The following HLF variants were observed in gnomAD, a reference collection of about 807,000 sequenced individuals.
HLF encodes hepatic leukemia factor.
In HLF, 3 loss-of-function variants were observed where a neutral mutation model predicts 22.6. The ratio of observed to expected loss-of-function variants is 0.13; its 90% CI spans 0.06 to 0.34. The LOEUF (loss-of-function observed/expected upper bound fraction) is 0.34, where lower values mean the gene tolerates loss of function less well. Among genes scored for constraint, HLF ranks in the 10% least tolerant of loss-of-function variants. The pLI, the probability that HLF is intolerant of heterozygous loss-of-function variation, is 1.00. For synonymous variants in HLF, 151 were observed against 151.8 expected, an observed-to-expected ratio of 0.99 and a Z score of 0.04; for missense variants, 299 against 389.2, an observed-to-expected ratio of 0.77 and a Z score of 1.95.
chr17:55,309,003 G>A (rs1904709319), intron 2 of HLF, among the ~76,000 whole-genome samples: 1 of 152,214 alleles, frequency 6.6e-6, no homozygotes, highest in Admixed American at 6.5e-5. Flanking sequence ...AACATGCAAA[G>A]CCTCTTTAGG....
intron 2 of HLF, among the ~76,000 whole-genome samples, chr17:55,287,723 G>T (rs1234560811): frequency 6.6e-6 from 1 of 152,194 alleles, no homozygotes; most frequent in Non-Finnish European, 1.5e-5. Flanking sequence ...TAAAACAGGT[G>T]AAGGTTTGTT....
chr17:55,270,533 T>C (rs2080841970), intron 2 of HLF, among the ~76,000 whole-genome samples: 1 of 152,232 alleles, frequency 6.6e-6, no homozygotes, highest in Admixed American at 6.5e-5. Flanking sequence ...CAAGTTAATC[T>C]TGAGGAAAAT....
chr17:55,274,563 A>G (rs1480041987), intron 2 of HLF, among the ~76,000 whole-genome samples: 1 of 152,234 alleles, frequency 6.6e-6, no homozygotes, highest in African/African-American at 2.4e-5. Context: ...ACCAGTCTAT[A>G]CGGGCAATAT....
At chr17:55,287,993 A>C (rs140639601) in intron 2 of HLF, among the ~76,000 whole-genome samples, 30 of 152,232 alleles carry the variant, frequency 2.0e-4, no homozygotes, top group Non-Finnish European at 3.8e-4. Context: ...TGGTCTTTGC[A>C]AAGGGTTATG....
At chr17:55,296,827 A>G (rs974820179) in intron 2 of HLF, among the ~76,000 whole-genome samples, 2 of 152,070 alleles carry the variant, frequency 1.3e-5, no homozygotes, top group African/African-American at 4.8e-5. Flanking sequence ...TTCCTCTTCC[A>G]TTCAAAAAAA....
At chr17:55,294,140 CAG>C (rs1422654794) in intron 2 of HLF, among the ~76,000 whole-genome samples, 1 of 152,150 alleles carries the variant, frequency 6.6e-6, no homozygotes, top group African/African-American at 2.4e-5. Context: ...GGATTGGAAA[CAG>C]TGTGGCTGTG....
chr17:55,311,014 A>G (rs912273117), intron 2 of HLF, among the ~76,000 whole-genome samples: 7 of 152,208 alleles, frequency 4.6e-5, no homozygotes, highest in Non-Finnish European at 7.3e-5. Flanking sequence ...GGGTGTATTC[A>G]ATATTTTAAA....
intron 2 of HLF, among the ~76,000 whole-genome samples, chr17:55,280,600 T>A (rs1332469958): frequency 6.6e-6 from 1 of 152,232 alleles, no homozygotes; most frequent in East Asian, 1.9e-4. Context: ...TTAGGTTTCT[T>A]CTTTTTACCC....
chr17:55,315,375 C>T lies in HLF; in HGVS notation c.600C>T (p.Phe200=), dbSNP rs371745405. ...QEMFDPRKRK[F]SEEELKPQPM... ...TGTTTGACCCTCGCAAACGCAAGTT[C>T]TCTGAGGAAGAACTGAAGCCACAGC... Residue 200 remains phenylalanine (F), a synonymous_variant, in exon 3 of 4, where the codon TTC becomes TTT. Transcript: ENST00000226067. The T allele has an allele frequency of 4.0e-5, 64 of 1,614,038 alleles. No individual in the cohort carries two copies. The highest frequency in any genetic ancestry group is 5.3e-5 in the Non-Finnish European group (62 of 1,180,028).
intron 2 of HLF, among the ~76,000 whole-genome samples, chr17:55,300,070 C>T (rs2081143372): frequency 6.6e-6 from 1 of 152,184 alleles, no homozygotes; most frequent in South Asian, 2.1e-4. Flanking sequence ...AAGTCCAAGC[C>T]TCAGGTTATC....
intron 2 of HLF, among the ~76,000 whole-genome samples, chr17:55,274,696 A>C (rs767362295): frequency 2.6e-5 from 4 of 152,222 alleles, no homozygotes; most frequent in Non-Finnish European, 5.9e-5. Context: ...CTGAGCTTTC[A>C]GTTTCTCATC....
At chr17:55,295,602 G>A (rs1434278944) in intron 2 of HLF, among the ~76,000 whole-genome samples, 1 of 152,200 alleles carries the variant, frequency 6.6e-6, no homozygotes, top group Non-Finnish European at 1.5e-5. Context: ...TAATGGATGG[G>A]ATTTGACAGT....
At chr17:55,304,828 C>A (rs1452736085) in intron 2 of HLF, among the ~76,000 whole-genome samples, 1 of 152,230 alleles carries the variant, frequency 6.6e-6, no homozygotes, top group Non-Finnish European at 1.5e-5. Context: ...TCCCACTTGA[C>A]AGATAAGGGA....
chr17:55,275,280 G>A (rs903157674), intron 2 of HLF, among the ~76,000 whole-genome samples: 1 of 152,082 alleles, frequency 6.6e-6, no homozygotes, highest in Non-Finnish European at 1.5e-5. Context: ...ATTTTCTATA[G>A]ATACAGGGTT....
chr17:55,320,916 A>G lies in HLF; in HGVS notation c.*37A>G, dbSNP rs754705390. On this transcript the variant is annotated 3_prime_UTR_variant, in exon 4 of 4. Transcript: ENST00000226067. This position sits in a 1 kb window ranked among gnomAD's most constrained non-coding sequence, Gnocchi z 4.2. Reference sequence around the variant, plus strand: ...TGCAGGCTGGCTTTGGAATAGATGGACAGTTTGTTTCCTGTCTGATAGCAC... The same window carrying G: ...TGCAGGCTGGCTTTGGAATAGATGGGCAGTTTGTTTCCTGTCTGATAGCAC... 6.5e-7 allele frequency: 1 copy of G among 1,531,764 alleles called. No homozygotes were observed. The highest frequency in any genetic ancestry group is 2.3e-5 in the East Asian group (1 of 43,820). 94.9% of individuals were successfully genotyped at this position (1,531,764 alleles called of 1,614,324 possible). A position where few individuals can be genotyped will look rare whatever the true frequency, so the allele number is the denominator to read the frequency against.
chr17:55,284,398 C>G (rs2080981924), intron 2 of HLF, among the ~76,000 whole-genome samples: 1 of 152,196 alleles, frequency 6.6e-6, no homozygotes, highest in South Asian at 2.1e-4. Context: ...ACTTCCTCTG[C>G]TACTGCTGTT....
intron 2 of HLF, among the ~76,000 whole-genome samples, chr17:55,284,735 C>T (rs766895432): frequency 5.3e-5 from 8 of 152,154 alleles, no homozygotes; most frequent in Non-Finnish European, 7.4e-5. Flanking sequence ...TCAGAAGTTA[C>T]CTGGGTCCTG....
At chr17:55,299,923 C>T (rs762840566) in intron 2 of HLF, among the ~76,000 whole-genome samples, 2 of 152,112 alleles carry the variant, frequency 1.3e-5, no homozygotes, top group African/African-American at 2.4e-5. Flanking sequence ...GCCTTGAACT[C>T]CTGGGCTCAA....
chr17:55,317,430 A>G (rs1024183332), intron 3 of HLF, among the ~76,000 whole-genome samples: 1 of 152,188 alleles, frequency 6.6e-6, no homozygotes, highest in Non-Finnish European at 1.5e-5. Context: ...TCAAAGAGCA[A>G]GATTAGTTAA....
Sources: gnomAD v4.1 joint callset for allele counts (sites outside exome capture counted in the v4.1 genomes callset) on GRCh38, gnomAD v4.1.1 for gene constraint, Gnocchi (gnomAD v3.1) non-coding constraint, MANE v1.5 for transcripts, NCBI Gene and HGNC (gene_info 2026-07-23, HGNC 2026-07-21) for gene names.